Variants in MGAT5B observed in about 807,000 individuals in gnomAD.
The protein encoded by MGAT5B is N-acetylglucosaminyl-transferase Vb.
In MGAT5B, 54 loss-of-function variants were observed where a neutral mutation model predicts 95.1. The observed-to-expected ratio is 0.57, with a 90% CI of 0.46 to 0.71. The LOEUF is 0.71. MGAT5B is among the 30% of genes least tolerant of loss of function. The pLI is 0.00. For missense variants in MGAT5B, 935 were observed against 1,088.6 expected, an observed-to-expected ratio of 0.86 and a Z score of 1.99; for synonymous variants, 464 against 451.0, an observed-to-expected ratio of 1.03 and a Z score of -0.36.
Position 76,947,864 on chromosome 17 carries a change from A to C in MGAT5B, c.1958A>C (p.Glu653Ala). 3 of 1,593,002 alleles carry C rather than the reference A, an allele frequency of 1.9e-6. No homozygotes were observed. The part of the protein sequence containing the change: ...FCRAPDPALP[E>A]AHAPQSPFVL... The stretch of plus-strand genomic sequence containing the variant: ...AGAGCTCCAGACCCTGCCCTACCAG[A>C]GGCCCACGCCCCGCAGAGCCCCTTT... Residue 653 changes from glutamate to alanine, a missense_variant, in exon 17 of 18, where the codon GAG becomes GCG. Coordinates refer to ENST00000569840, the MANE Select transcript of MGAT5B (RefSeq NM_001199172.2).
chr17:76,931,934 G>A (rs142937419), intron 10 of MGAT5B, among the ~76,000 whole-genome samples: 11 of 152,184 alleles, frequency 7.2e-5, no homozygotes, highest in Non-Finnish European at 1.2e-4. Flanking sequence ...CTGGTCACCC[G>A]GGGGCCTCAG....
chr17:76,887,744 A>G (rs979533908), intron 3 of MGAT5B, among the ~76,000 whole-genome samples: 1 of 150,032 alleles, frequency 6.7e-6, no homozygotes, highest in African/African-American at 2.5e-5. Context: ...TTTAGTAGAG[A>G]TGGGGTTTCG....
chr17:76,882,155 G>T lies in MGAT5B; in HGVS notation c.186G>T (p.Met62Ile). Residue 62 changes from methionine (M) to isoleucine (I), a missense_variant, in exon 3 of 18, where the codon ATG (methionine) becomes ATT (isoleucine). By Grantham distance (10) the Met-to-Ile change is conservative. Transcript: ENST00000569840. ...ATACCCACACTCTGCCCACAGTGAT[G>T]GGGGGCCCCGAGTCCCGCGGCGTCC... ...DSPFTIRTEVMGGPESRGVLR... is the reference protein window; with the variant it reads ...DSPFTIRTEVIGGPESRGVLR... 1 of 1,609,076 alleles carries T rather than the reference G, an allele frequency of 6.2e-7. No homozygotes were observed. The highest frequency in any genetic ancestry group is 8.5e-7 in the Non-Finnish European group (1 of 1,177,170).
intron 10 of MGAT5B, among the ~76,000 whole-genome samples, chr17:76,927,871 G>C (rs1161660080): frequency 1.3e-5 from 2 of 152,250 alleles, no homozygotes; most frequent in African/African-American, 4.8e-5. Flanking sequence ...TGTTAGGATT[G>C]CATCTGTTAA....
At chr17:76,921,064 A>G (rs1969109931) in intron 8 of MGAT5B, among the ~76,000 whole-genome samples, 1 of 152,164 alleles carries the variant, frequency 6.6e-6, no homozygotes, top group Admixed American at 6.5e-5. Context: ...TGGAGGGAGC[A>G]TAGCGGGAGG....
intron 8 of MGAT5B, among the ~76,000 whole-genome samples, chr17:76,921,505 A>G (rs1598967146): frequency 6.6e-6 from 1 of 152,052 alleles, no homozygotes; most frequent in Admixed American, 6.5e-5. Flanking sequence ...CTGATACTTC[A>G]TGGGGTGAGG....
chr17:76,885,857 C>T (rs146719653), intron 3 of MGAT5B, among the ~76,000 whole-genome samples: 7 of 152,274 alleles, frequency 4.6e-5, no homozygotes, highest in South Asian at 2.1e-4. Flanking sequence ...GCAGCTAGAC[C>T]GGCAAGAATC....
rs950575262 is a variant in MGAT5B at position 76,915,514 on chromosome 17, G to A, written c.1025+9327G>A. Among the ~76,000 whole-genome samples, 10 of 152,264 alleles carry A rather than the reference G, an allele frequency of 6.6e-5. No homozygotes were observed. The highest frequency in any genetic ancestry group is 3.9e-4 in the Admixed American group (6 of 15,302). On this transcript the variant is annotated intron_variant, in intron 8 of 17. Transcript: ENST00000569840. The surrounding 1 kb of genome is among the most constrained non-coding windows in gnomAD (Gnocchi z 8.7). ...CAGGGTTTGTAATATGCTATCCCTCGAAACAAACAGGATTCGAACCAAATA... is the reference window on the plus strand; with the variant it reads ...CAGGGTTTGTAATATGCTATCCCTCAAAACAAACAGGATTCGAACCAAATA...
chr17:76,872,350 C>A (rs545215365), intron 1 of MGAT5B, among the ~76,000 whole-genome samples: 1 of 152,214 alleles, frequency 6.6e-6, no homozygotes, highest in Non-Finnish European at 1.5e-5. Context: ...TCTGGCTGGC[C>A]TCAGGCCCTG....
chr17:76,905,187 C>G lies in MGAT5B; in HGVS notation c.709C>G (p.Leu237Val). 1.9e-6 allele frequency: 3 copies of G among 1,611,428 alleles called. No individual in the cohort carries two copies. Among genetic ancestry groups the G allele is most frequent in the Non-Finnish European group, 2.5e-6 (3 of 1,178,042 alleles). Residue 237 changes from leucine to valine, a missense_variant, in exon 7 of 18, where the codon CTG (leucine) becomes GTG (valine). By Grantham distance (32) the Leu-to-Val change is conservative. Coordinates refer to ENST00000569840, the MANE Select transcript of MGAT5B (RefSeq NM_001199172.2). This position sits in a 1 kb window ranked among gnomAD's most constrained non-coding sequence, Gnocchi z 4.2. ...CCTCCAGGCAGTTTTCCGAAGCAAC[C>G]TGTCCCACCTTCTGGACCTGATGGG... Reference protein sequence around the residue: ...PKVQAVFRSNLSHLLDLMGSG... With the variant: ...PKVQAVFRSNVSHLLDLMGSG...
In MGAT5B at chr17:76,925,086, C is replaced by G; in HGVS notation, c.1146C>G (p.Phe382Leu). The change falls in exon 9 of 18, where the codon TTC (phenylalanine) becomes TTG (leucine). Residue 382 changes from phenylalanine to leucine, a missense_variant. Around this residue, in one of 4 missense-constraint regions of MGAT5B, gnomAD observed 243 missense variants for 305.5 expected, o/e 0.80. Transcript: ENST00000569840. ...QQMKRHMGLS[F>L]KKYRCRIRVI... ...TGAAGCGGCACATGGGACTCTCCTTCAAGAAGTACCGGTGAGAGGGCGGCC... is the reference window on the plus strand; with the variant it reads ...TGAAGCGGCACATGGGACTCTCCTTGAAGAAGTACCGGTGAGAGGGCGGCC... The G allele has an allele frequency of 6.2e-7, 1 of 1,611,226 alleles. No individual in the cohort carries two copies. Among genetic ancestry groups the G allele is most frequent in the Non-Finnish European group, 8.5e-7 (1 of 1,179,302 alleles).
rs559715134 is a variant in MGAT5B, at chr17:76,940,470, C to T, written c.1653C>T (p.Ile551=). The T allele has an allele frequency of 2.5e-6, 4 of 1,614,050 alleles. No individual in the cohort carries two copies. Among genetic ancestry groups the T allele is most frequent in the South Asian group, 2.2e-5 (2 of 91,066 alleles). The change falls in exon 14 of 18, where the codon ATC becomes ATT. Residue 551 remains isoleucine (I), a synonymous_variant. Transcript: ENST00000569840. The surrounding 1 kb of genome is among the most constrained non-coding windows in gnomAD (Gnocchi z 4.3). ...APLEAIANGC[I]FLQSRFSPPH... is the part of the protein sequence containing the mutation. ...TGGAGGCCATCGCCAATGGTTGCATCTTCCTGCAGTCCCGCTTCAGCCCGC... is the reference window on the plus strand; with the variant it reads ...TGGAGGCCATCGCCAATGGTTGCATTTTCCTGCAGTCCCGCTTCAGCCCGC...
intron 2 of MGAT5B, among the ~76,000 whole-genome samples, chr17:76,873,378 T>C (rs1967074328): frequency 6.6e-6 from 1 of 152,178 alleles, no homozygotes; most frequent in Non-Finnish European, 1.5e-5. Context: ...ATCTCTGAGC[T>C]CTTGGGACAC....
At position 76,868,709 on chromosome 17, in the gene MGAT5B, C is replaced by T. The variant is rs1468699473; in HGVS notation, c.-321C>T. 6.2e-6 allele frequency: 1 copy of T among 160,652 alleles called. No homozygotes were observed. The highest frequency in any genetic ancestry group is 6.5e-5 in the Admixed American group (1 of 15,344). The allele number at this position is 160,652 out of a possible 1,614,324, so 10.0% of individuals were successfully genotyped here. On this transcript the variant is annotated 5_prime_UTR_variant, in exon 1 of 18. Transcript: ENST00000569840. This position sits in a 1 kb window ranked among gnomAD's most constrained non-coding sequence, Gnocchi z 6.3. ...TCTGCGCGCCGCGGCACCTTCCCGC[C>T]CAGCGAGCGAGCCCGAGCAGGCAGA... is the stretch of plus-strand genomic sequence containing the variant.
At chr17:76,876,863 G>A (rs1967212260) in intron 2 of MGAT5B, among the ~76,000 whole-genome samples, 1 of 152,206 alleles carries the variant, frequency 6.6e-6, no homozygotes, top group Non-Finnish European at 1.5e-5. Context: ...TGGGCTCTGG[G>A]GAGGGCTTTC....
chr17:76,912,495 G>A lies in MGAT5B; in HGVS notation c.1025+6308G>A, dbSNP rs995646821. Among the ~76,000 whole-genome samples the A allele has an allele frequency of 1.2e-4, 18 of 152,210 alleles. No homozygotes were observed. Among genetic ancestry groups the A allele is most frequent in the African/African-American group, 2.9e-4 (12 of 41,436 alleles). Reference sequence around the variant, plus strand: ...TCCCTTGGCTGGCGAAATGACCTGCGTGGGAGGCGGTGGGACAAAGACGCG... The same window carrying A: ...TCCCTTGGCTGGCGAAATGACCTGCATGGGAGGCGGTGGGACAAAGACGCG... On this transcript the variant is annotated intron_variant, in intron 8 of 17. Coordinates refer to ENST00000569840, the MANE Select transcript of MGAT5B (RefSeq NM_001199172.2). This position sits in a 1 kb window ranked among gnomAD's most constrained non-coding sequence, Gnocchi z 5.0.
In MGAT5B at chr17:76,870,930, GC is replaced by G. The variant is rs1966988872; in HGVS notation, c.68+1838del. Among the ~76,000 whole-genome samples, 2 of 152,060 alleles carry G rather than the reference GC, an allele frequency of 1.3e-5. No homozygotes were observed. Among genetic ancestry groups the G allele is most frequent in the Admixed American group, 1.3e-4 (2 of 15,278 alleles). On this transcript the variant is annotated intron_variant, in intron 1 of 17. Transcript: ENST00000569840. This position sits in a 1 kb window ranked among gnomAD's most constrained non-coding sequence, Gnocchi z 5.0. The stretch of plus-strand genomic sequence containing the variant: ...TTTTAACTTGAATCCACTCCAAATG[GC>G]CCCCAGCTGCCTTGGGGGACATTGA...
chr17:76,882,160 GC>G lies in MGAT5B; in HGVS notation c.195del (p.Glu66SerfsTer9). The G allele has an allele frequency of 6.2e-7, 1 of 1,610,242 alleles. No homozygotes were observed. The highest frequency in any genetic ancestry group is 8.5e-7 in the Non-Finnish European group (1 of 1,177,912). ...PFTIRTEVMG[G>X]PESRGVLRKM... ...CACACTCTGCCCACAGTGATGGGGG[GC>G]CCCGAGTCCCGCGGCGTCCTGCGCA... On this transcript the variant is annotated frameshift_variant, in exon 3 of 18. Transcript: ENST00000569840. LOFTEE classifies it high-confidence loss of function.
chr17:76,878,400 G>A (rs1967275810), intron 2 of MGAT5B, among the ~76,000 whole-genome samples: 1 of 152,190 alleles, frequency 6.6e-6, no homozygotes, highest in Admixed American at 6.5e-5. Context: ...AACTACAGAA[G>A]GGGCATCTGG....
Sources: allele counts gnomAD v4.1 joint callset (sites outside exome capture counted in the v4.1 genomes callset), GRCh38; gene constraint gnomAD v4.1.1; regional missense constraint gnomAD v4.1.1; non-coding constraint Gnocchi (gnomAD v3.1); transcripts MANE v1.5; gene names NCBI Gene and HGNC (gene_info 2026-07-23, HGNC 2026-07-21).